The following SLC25A25 variants were observed in gnomAD, a reference collection of about 807,000 sequenced individuals.
SLC25A25 encodes the protein solute carrier family 25 member 25, also known as mitochondrial adenyl nucleotide antiporter SLC25A25.
In SLC25A25, 32 loss-of-function variants were observed where a neutral mutation model predicts 57.7. The observed-to-expected ratio is 0.55, with a 90% confidence interval of 0.42 to 0.74. SLC25A25 has a LOEUF of 0.74. Among genes scored for constraint, SLC25A25 ranks in the 30% least tolerant of loss-of-function variants. SLC25A25 has a pLI of 0.00. For missense variants in SLC25A25, 556 were observed against 701.3 expected (o/e 0.79, Z 2.34); for synonymous variants, 306 against 291.2 (o/e 1.05, Z -0.52).
At chr9:128,091,084 T>C (rs1278506789) in intron 1 of SLC25A25, 1 of 152,232 alleles carries the variant, frequency 6.6e-6, no homozygotes, top group African/African-American at 2.4e-5. Context: ...TGATGTGGCA[T>C]GTGCTCTGCT....
Position 128,107,237 on chromosome 9 carries a change from G to A in SLC25A25, c.1364-23G>A, listed in dbSNP as rs758974377. On this transcript the variant is annotated intron_variant, in intron 10 of 10. Coordinates refer to ENST00000373069, the MANE Select transcript of SLC25A25 (RefSeq NM_001330988.2). ...TCGGGGGGAGCGGACAGAAGCATCT[G>A]ACTGGTGGCCTCCATCCTGCAGCCT... 3.1e-6 allele frequency: 5 copies of A among 1,610,646 alleles called. No homozygotes were observed. In the South Asian group the frequency reaches 5.5e-5, roughly 18 times the overall value.
At chr9:128,098,839 A>G in intron 1 of SLC25A25, 2 of 1,517,186 alleles carry the variant, frequency 1.3e-6, no homozygotes, top group South Asian at 2.6e-5. Flanking sequence ...TCTGAAATGT[A>G]GCAGTTTTTT....
chr9:128,102,421 C>T lies in SLC25A25; in HGVS notation c.564C>T (p.Tyr188=). ...TTGACTGGAACGAGTGGAGAGACTA[C>T]CACCTCCTCCACCCCGTGGAAAACA... ...MTIDWNEWRD[Y]HLLHPVENIP... Residue 188 remains tyrosine (Y), a synonymous_variant, in exon 5 of 11, where the codon TAC becomes TAT. Transcript: ENST00000373069. The surrounding 1 kb of genome is among the most constrained non-coding windows in gnomAD (Gnocchi z 4.1). The T allele has an allele frequency of 6.2e-7, 1 of 1,613,974 alleles. No individual in the cohort carries two copies. The highest frequency in any genetic ancestry group is 1.7e-4 in the Middle Eastern group (1 of 6,060).
rs370288653 is a variant in SLC25A25 at position 128,101,321 on chromosome 9, C to T, written c.401C>T (p.Ala134Val). The change falls in exon 3 of 11, where the codon GCG (alanine) becomes GTG (valine). Residue 134 changes from alanine to valine, a missense_variant. Physicochemically the swap from Ala to Val is moderately conservative, Grantham distance 64. Transcript: ENST00000373069. This position sits in a 1 kb window ranked among gnomAD's most constrained non-coding sequence, Gnocchi z 4.9. ...TCTGTTCTTGCAGGACGCATTGACG[C>T]GCAGGAGATCATGCAGTCCCTGCGG... ...LDKKNDGRIDAQEIMQSLRDL... is the reference protein window; with the variant it reads ...LDKKNDGRIDVQEIMQSLRDL... The T allele has an allele frequency of 8.1e-6, 13 of 1,614,142 alleles. No individual in the cohort carries two copies. The highest frequency in any genetic ancestry group is 6.7e-5 in the Admixed American group (4 of 60,016).
At chr9:128,078,237 C>CACAT (rs149550603) in intron 1 of SLC25A25, among the ~76,000 whole-genome samples, 1 of 152,230 alleles carries the variant, frequency 6.6e-6, no homozygotes, top group East Asian at 1.9e-4. Context: ...CTGGGTCTGG[C>CACAT]ACATATTCAC....
intron 1 of SLC25A25, among the ~76,000 whole-genome samples, chr9:128,094,916 T>G (rs1194560900): frequency 6.6e-6 from 1 of 152,164 alleles, no homozygotes; most frequent in Non-Finnish European, 1.5e-5. Flanking sequence ...ATACTAGTCA[T>G]AGGAATGGAC....
chr9:128,086,146 C>G (rs1833268063), intron 1 of SLC25A25, among the ~76,000 whole-genome samples: 1 of 146,880 alleles, frequency 6.8e-6, no homozygotes, highest in Non-Finnish European at 1.5e-5. Context: ...TCAGTGTGGT[C>G]AAGTTGGGTG....
At position 128,105,873 on chromosome 9, in the gene SLC25A25, T is replaced by C. The variant is rs1450431248; in HGVS notation, c.928T>C (p.Tyr310His). 1 of 1,614,070 alleles carries C rather than the reference T, an allele frequency of 6.2e-7. No individual in the cohort carries two copies. Reference sequence around the variant, plus strand: ...CGAATCAGCCATCAAATTCATGGCCTATGAGCAGGTGAGGACCCAGCTCCT... The same window carrying C: ...CGAATCAGCCATCAAATTCATGGCCCATGAGCAGGTGAGGACCCAGCTCCT... ...APESAIKFMAYEQIKRLVGSD... is the reference protein window; with the variant it reads ...APESAIKFMAHEQIKRLVGSD... Residue 310 changes from tyrosine to histidine, a missense_variant, in exon 7 of 11, where the codon TAT becomes CAT. This residue lies in a region of SLC25A25 where 294 missense variants were observed against 389.6 expected (regional missense o/e 0.75). Transcript: ENST00000373069.
chr9:128,084,364 G>A (rs1334285227), intron 1 of SLC25A25, among the ~76,000 whole-genome samples: 2 of 151,462 alleles, frequency 1.3e-5, no homozygotes, highest in Non-Finnish European at 2.9e-5. Context: ...GGGTTCAAGC[G>A]ATTCTCCTGC....
In SLC25A25 at chr9:128,103,808, C is replaced by G. The variant is rs751914863; in HGVS notation, c.752C>G (p.Ala251Gly). The G allele has an allele frequency of 1.2e-6, 2 of 1,609,516 alleles. No individual in the cohort carries two copies. Among genetic ancestry groups the G allele is most frequent in the Non-Finnish European group, 8.5e-7 (1 of 1,177,794 alleles). ...GGGGCCGTATCCAGAACCTGCACGG[C>G]CCCCCTGGACAGGCTCAAGGTGCTC... The part of the protein sequence containing the change: ...GAGAVSRTCT[A>G]PLDRLKVLMQ... The change falls in exon 6 of 11, where the codon GCC becomes GGC. Residue 251 changes from alanine (A) to glycine (G), a missense_variant. Transcript: ENST00000373069. The surrounding 1 kb of genome is among the most constrained non-coding windows in gnomAD (Gnocchi z 6.7).
At chr9:128,077,788 G>A (rs943547822) in intron 1 of SLC25A25, among the ~76,000 whole-genome samples, 5 of 152,154 alleles carry the variant, frequency 3.3e-5, no homozygotes, top group African/African-American at 1.2e-4. Context: ...GCTCATGCCT[G>A]TAATCCCAGC....
Position 128,107,545 on chromosome 9 carries a change from G to A in SLC25A25, c.*101G>A. 4.3e-6 allele frequency: 6 copies of A among 1,392,040 alleles called. No individual in the cohort carries two copies. The highest frequency in any genetic ancestry group is 2.4e-5 in the East Asian group (1 of 41,560). 86.2% of individuals were successfully genotyped at this position (1,392,040 alleles called of 1,614,324 possible). On this transcript the variant is annotated 3_prime_UTR_variant, in exon 11 of 11. Transcript: ENST00000373069. ...GAATGTGCCAACACTAAGCTGTCTC[G>A]AGCCAAGCTGTGAAAACCCTAGACG...
chr9:128,096,579 G>T (rs1233388662), intron 1 of SLC25A25, among the ~76,000 whole-genome samples: 1 of 152,316 alleles, frequency 6.6e-6, no homozygotes, highest in African/African-American at 2.4e-5. Context: ...TCTATTTGCA[G>T]ATGCTCAGAA....
chr9:128,107,897 C>G lies in SLC25A25; in HGVS notation c.*453C>G, dbSNP rs1300188123. On this transcript the variant is annotated 3_prime_UTR_variant, in exon 11 of 11. Transcript: ENST00000373069. ...AGGTAAGGTGGGAGGAGGGCTACAG[C>G]CCACATCCCACCCCCTCGTCCAATC... 2 of 400,564 alleles carry G rather than the reference C, an allele frequency of 5.0e-6. No individual in the cohort carries two copies. Among genetic ancestry groups the G allele is most frequent in the African/African-American group, 4.1e-5 (2 of 48,660 alleles). The allele number at this position is 400,564 out of a possible 1,614,324, so 24.8% of individuals were successfully genotyped here. A position where few individuals can be genotyped will look rare whatever the true frequency, so the allele number is the denominator to read the frequency against.
At chr9:128,072,459 G>A (rs942348757) in intron 1 of SLC25A25, among the ~76,000 whole-genome samples, 2 of 152,234 alleles carry the variant, frequency 1.3e-5, no homozygotes, top group Admixed American at 1.3e-4. Context: ...GTGCTTATCA[G>A]GGGGTGATGG....
chr9:128,075,830 C>T (rs1331650327), intron 1 of SLC25A25, among the ~76,000 whole-genome samples: 1 of 152,060 alleles, frequency 6.6e-6, no homozygotes, highest in African/African-American at 2.4e-5. Flanking sequence ...GGTGACAGTG[C>T]GAGACTCTGT....
intron 1 of SLC25A25, among the ~76,000 whole-genome samples, chr9:128,096,551 A>G (rs10739713): frequency 0.97 from 147,165 of 152,314 alleles, 71,287 homozygotes; most frequent in East Asian, 1. Context: ...GTCCATTTGA[A>G]TATAATGCCC....
intron 1 of SLC25A25, among the ~76,000 whole-genome samples, chr9:128,079,283 A>G (rs1340060151): frequency 1.3e-5 from 2 of 151,984 alleles, no homozygotes; most frequent in African/African-American, 4.8e-5. Context: ...CTCTGGCTCC[A>G]TACCTTTCCT....
chr9:128,105,232 G>A (rs34310294), intron 6 of SLC25A25, among the ~76,000 whole-genome samples: 23,066 of 136,982 alleles, frequency 0.17, 1,958 homozygotes, highest in South Asian at 0.29. Flanking sequence ...GTACAGGGGC[G>A]CGATCTTGGC....
Sources: allele counts gnomAD v4.1 joint callset (sites outside exome capture counted in the v4.1 genomes callset), GRCh38; gene constraint gnomAD v4.1.1; regional missense constraint gnomAD v4.1.1; non-coding constraint Gnocchi (gnomAD v3.1); transcripts MANE v1.5; gene names NCBI Gene and HGNC (gene_info 2026-07-23, HGNC 2026-07-21).